Variants in AEN observed in about 807,000 individuals in gnomAD.
AEN encodes the protein apoptosis enhancing nuclease.
A neutral mutation model predicts 17.7 loss-of-function variants in AEN; 21 were observed. The ratio of observed to expected loss-of-function variants is 1.19; its 90% CI spans 0.84 to 1.71. The LOEUF (loss-of-function observed/expected upper bound fraction) is 1.71. Ranked by LOEUF, AEN falls within the 40% of genes most tolerant of loss-of-function variation. The probability of loss-of-function intolerance (pLI) is 0.00; values close to 1 mark genes in which losing one functional copy is unlikely to be tolerated. For synonymous variants in AEN, 190 were observed against 173.0 expected, an observed-to-expected ratio of 1.10 and a Z score of -0.77; for missense variants, 462 against 435.9, an observed-to-expected ratio of 1.06 and a Z score of -0.53.
At chr15:88,619,557 A>G (rs143861903), upstream of AEN, among the ~76,000 whole-genome samples, 1,968 of 152,228 alleles carry the variant, frequency 0.013, 37 homozygotes, top group African/African-American at 0.039. Flanking sequence ...GCATGGTGGC[A>G]CGTGCCTGTA....
intron 2 of AEN, 24 bp from the exon 3 acceptor site, chr15:88,629,202 C>T: frequency 3.1e-6 from 5 of 1,612,858 alleles, no homozygotes; most frequent in Non-Finnish European, 4.2e-6. Flanking sequence ...GGGTGACCTC[C>T]CTGACTCCTC....
upstream of AEN, among the ~76,000 whole-genome samples, chr15:88,620,012 C>T (rs1318196617): frequency 3.9e-5 from 6 of 152,170 alleles, no homozygotes; most frequent in African/African-American, 1.4e-4. Flanking sequence ...CTATCTATGG[C>T]TTAAATCCCT....
At chr15:88,612,049 C>T in the AEN span, 22 of 375,180 alleles carry the variant, frequency 5.9e-5, no homozygotes, top group Middle Eastern at 7.3e-4. Context: ...AAACACCCAT[C>T]GGCAGACTCT....
chr15:88,631,491 A>T lies in AEN; in HGVS notation c.*1197A>T. The T allele has an allele frequency of 4.5e-6, 1 of 223,244 alleles. No homozygotes were observed. The highest frequency in any genetic ancestry group is 6.2e-5 in the South Asian group (1 of 16,082). The allele number at this position is 223,244 out of a possible 1,614,324, so 13.8% of individuals were successfully genotyped here. A position where few individuals can be genotyped will look rare whatever the true frequency, so the allele number is the denominator to read the frequency against. On this transcript the variant is annotated 3_prime_UTR_variant, in exon 4 of 4. Transcript: ENST00000332810. ...CTTGCAGCTTAGCTTTGAGATACTA[A>T]GCAAGCGAGGGACTTCACTCTTGAG...
In AEN at chr15:88,630,575, C is replaced by G. The variant is rs1384729169; in HGVS notation, c.*281C>G. 1 of 428,686 alleles carries G rather than the reference C, an allele frequency of 2.3e-6. No individual in the cohort carries two copies. The highest frequency in any genetic ancestry group is 4.3e-6 in the Non-Finnish European group (1 of 231,022). 26.6% of individuals were successfully genotyped at this position (428,686 alleles called of 1,614,324 possible). A position where few individuals can be genotyped will look rare whatever the true frequency, so the allele number is the denominator to read the frequency against. ...GTCAGGTGGACCATCTTCTAGGGCC[C>G]AGCAGGAGTAGGGAATGTGCCAACA... On this transcript the variant is annotated 3_prime_UTR_variant, in exon 4 of 4. Transcript: ENST00000332810. This position sits in a 1 kb window ranked among gnomAD's most constrained non-coding sequence, Gnocchi z 5.1.
intron 2 of AEN, chr15:88,628,408 G>C (rs2057881978): frequency 6.6e-6 from 1 of 152,288 alleles, no homozygotes; most frequent in Admixed American, 6.5e-5. Context: ...GGCTAGAGGG[G>C]GTTGCTGGCC....
At chr15:88,613,403 A>C in the AEN span, among the ~76,000 whole-genome samples, 2 of 152,148 alleles carry the variant, frequency 1.3e-5, no homozygotes, top group East Asian at 1.9e-4. Context: ...GAAGTCTGCA[A>C]ATTGGTGTCA....
chr15:88,625,686 A>G (rs1053453528), intron 1 of AEN, among the ~76,000 whole-genome samples: 3 of 152,176 alleles, frequency 2.0e-5, no homozygotes, highest in African/African-American at 7.2e-5. Flanking sequence ...TATAACCTTT[A>G]TTTTCCTATA....
chr15:88,628,338 C>A (rs1173411459), intron 2 of AEN: 3 of 152,242 alleles, frequency 2.0e-5, no homozygotes, highest in Admixed American at 1.3e-4. Context: ...ATGTTGCCAG[C>A]AGAGGTAGGC....
Position 88,631,194 on chromosome 15 carries a change from A to G in AEN, c.*900A>G, listed in dbSNP as rs781136373. On this transcript the variant is annotated 3_prime_UTR_variant, in exon 4 of 4. Transcript: ENST00000332810. ...TTGTGTAGGATTGTGCCTGACCTTT[A>G]TTTATTTATTAACAGCAGGGCCACT... 6 of 456,094 alleles carry G rather than the reference A, an allele frequency of 1.3e-5. No individual in the cohort carries two copies. The highest frequency in any genetic ancestry group is 2.6e-5 in the Non-Finnish European group (6 of 226,742). 28.3% of individuals were successfully genotyped at this position (456,094 alleles called of 1,614,324 possible).
chr15:88,617,322 T>TCGCTGCAACCTC (rs2057746365), upstream of AEN, among the ~76,000 whole-genome samples: 1 of 152,172 alleles, frequency 6.6e-6, no homozygotes, highest in African/African-American at 2.4e-5. Context: ...GGTGCAATCT[T>TCGCTGCAACCTC]GGCTCGCTGC....
chr15:88,618,419 AT>A (rs1012571952), upstream of AEN, among the ~76,000 whole-genome samples: 2 of 152,110 alleles, frequency 1.3e-5, no homozygotes, highest in Non-Finnish European at 2.9e-5. Flanking sequence ...CTAAGGGTTA[AT>A]TTTTTTTCCT....
intron 1 of AEN, among the ~76,000 whole-genome samples, chr15:88,625,840 T>C (rs75694813): frequency 0.077 from 11,696 of 152,280 alleles, 525 homozygotes; most frequent in African/African-American, 0.11. Flanking sequence ...CTTTTACTAA[T>C]GGGGCAAGTT....
the AEN span, among the ~76,000 whole-genome samples, chr15:88,606,074 C>T: frequency 5.0e-4 from 76 of 152,320 alleles, 1 homozygote; most frequent in South Asian, 0.012. Flanking sequence ...CAAATTTAGG[C>T]AGTGGTGCGG....
chr15:88,626,076 G>A (rs1411794311), intron 1 of AEN, 70 bp from the exon 2 acceptor site: 6 of 1,042,980 alleles, frequency 5.8e-6, no homozygotes, highest in Non-Finnish European at 6.7e-6. Flanking sequence ...ACTGCAGGGA[G>A]GGAGGGAGGG....
the AEN span, chr15:88,611,919 G>C: frequency 2.0e-6 from 1 of 505,912 alleles, no homozygotes; most frequent in Non-Finnish European, 4.0e-6. Context: ...TCTACCTAAT[G>C]GTGCCAGCCA....
chr15:88,608,205 C>T, the AEN span: 1 of 524,480 alleles, frequency 1.9e-6, no homozygotes, highest in Admixed American at 1.9e-5. Context: ...GCTGAGTGAG[C>T]AGGGTACACA....
upstream of AEN, among the ~76,000 whole-genome samples, chr15:88,616,698 T>G (rs1403080735): frequency 6.6e-6 from 1 of 152,346 alleles, no homozygotes; most frequent in East Asian, 1.9e-4. Flanking sequence ...TTTTTCAACT[T>G]TACAATAGTG....
In AEN at chr15:88,626,514, C is replaced by T. The variant is rs1181535700; in HGVS notation, c.305C>T (p.Ala102Val). ...PCSRRPAPGKASGPLPSKCVA... is the reference protein window; with the variant it reads ...PCSRRPAPGKVSGPLPSKCVA... ...AGCAGAAGGCCTGCTCCCGGGAAAG[C>T]CTCAGGGCCCTTGCCCAGCAAGTGT... is the stretch of plus-strand genomic sequence containing the variant. Residue 102 changes from alanine (A) to valine (V), a missense_variant, in exon 2 of 4, where the codon GCC becomes GTC. Coordinates refer to ENST00000332810, the MANE Select transcript of AEN (RefSeq NM_022767.4). 6.8e-6 allele frequency: 11 copies of T among 1,614,076 alleles called. No homozygotes were observed. Among genetic ancestry groups the T allele is most frequent in the Non-Finnish European group, 8.5e-6 (10 of 1,180,058 alleles).
Sources: allele counts gnomAD v4.1 joint callset (sites outside exome capture counted in the v4.1 genomes callset), GRCh38; gene constraint gnomAD v4.1.1; non-coding constraint Gnocchi (gnomAD v3.1); transcripts MANE v1.5; gene names NCBI Gene and HGNC (gene_info 2026-07-23, HGNC 2026-07-21).